Variants in MYO1E observed in about 807,000 individuals in gnomAD.
The protein encoded by MYO1E is unconventional myosin-Ie.
MYO1E carries 68 observed loss-of-function variants against 151.1 expected under a neutral mutation model. That is an observed-to-expected ratio of 0.45 (90% CI 0.37 to 0.55). The LOEUF is 0.55. Ranked by LOEUF, MYO1E falls within the 20% of genes least tolerant of loss-of-function variation. The pLI is 0.00. For synonymous variants in MYO1E, 601 were observed against 501.7 expected, an observed-to-expected ratio of 1.20 and a Z score of -2.64; for missense variants, 1,363 against 1,389.3, an observed-to-expected ratio of 0.98 and a Z score of 0.30.
At chr15:59,371,686 C>T (rs2080945725) in intron 1 of MYO1E, among the ~76,000 whole-genome samples, 1 of 152,182 alleles carries the variant, frequency 6.6e-6, no homozygotes, top group African/African-American at 2.4e-5. Flanking sequence ...AGGGCGTCTT[C>T]CCGTGCGAAG....
intron 26 of MYO1E, among the ~76,000 whole-genome samples, chr15:59,147,464 T>C (rs949524966): frequency 6.6e-6 from 1 of 151,892 alleles, no homozygotes; most frequent in East Asian, 1.9e-4. Context: ...TGGTGGCTCA[T>C]GCGTGTAATC....
intron 1 of MYO1E, among the ~76,000 whole-genome samples, chr15:59,305,171 G>C (rs1430468802): frequency 6.6e-6 from 1 of 152,166 alleles, no homozygotes; most frequent in African/African-American, 2.4e-5. Flanking sequence ...GAATGTCAAA[G>C]AAGATCATTC....
In MYO1E at chr15:59,366,300, CT is replaced by C. The variant is rs1371095578; in HGVS notation, c.3+6197del. On this transcript the variant is annotated intron_variant, in intron 1 of 27. Transcript: ENST00000288235. Reference sequence around the variant, plus strand: ...AGCCCTGTCTCTTTCTTTTTTTTCTCTCTCTCTCTTTCTCTCTCTCTCTCTC... The same window carrying C: ...AGCCCTGTCTCTTTCTTTTTTTTCTCCTCTCTCTTTCTCTCTCTCTCTCTC... 6.2e-4 allele frequency among the ~76,000 whole-genome samples: 9 copies of C among 14,618 alleles called. No individual in the cohort carries two copies. The East Asian group carries it at 0.012, about 19-fold the overall frequency. The allele number at this position is 14,618 out of a possible 152,430, so 9.6% of individuals were successfully genotyped here.
intron 1 of MYO1E, among the ~76,000 whole-genome samples, chr15:59,346,153 CAT>C (rs1350061683): frequency 6.6e-6 from 1 of 152,148 alleles, no homozygotes; most frequent in African/African-American, 2.4e-5. Flanking sequence ...AGAATTAACA[CAT>C]CTTTCCCCTT....
chr15:59,241,738 A>G (rs2080100869), intron 4 of MYO1E, among the ~76,000 whole-genome samples: 1 of 151,866 alleles, frequency 6.6e-6, no homozygotes, highest in South Asian at 2.1e-4. Flanking sequence ...AAATAAAAAT[A>G]AAAATTTTTA....
chr15:59,292,170 T>C (rs2080423556), intron 1 of MYO1E, among the ~76,000 whole-genome samples: 1 of 152,234 alleles, frequency 6.6e-6, no homozygotes, highest in South Asian at 2.1e-4. Flanking sequence ...GATTTTATTT[T>C]ACTGGTCATT....
intron 17 of MYO1E, among the ~76,000 whole-genome samples, chr15:59,188,708 A>AATAT (rs2079714608): frequency 6.6e-6 from 1 of 151,594 alleles, no homozygotes; most frequent in African/African-American, 2.4e-5. Flanking sequence ...AAATAAAATA[A>AATAT]ATATAAATAA....
intron 7 of MYO1E, among the ~76,000 whole-genome samples, chr15:59,226,966 C>G (rs2079995443): frequency 6.6e-6 from 1 of 152,226 alleles, no homozygotes; most frequent in South Asian, 2.1e-4. Flanking sequence ...AGATCCCAAA[C>G]CTATCTCAAA....
At chr15:59,262,723 A>C (rs1432036175) in intron 2 of MYO1E, among the ~76,000 whole-genome samples, 1 of 152,216 alleles carries the variant, frequency 6.6e-6, no homozygotes, top group Admixed American at 6.5e-5. Context: ...CATCAGGTTT[A>C]GGGAAAGAAG....
intron 1 of MYO1E, among the ~76,000 whole-genome samples, chr15:59,298,474 T>C (rs556887304): frequency 6.6e-6 from 1 of 152,214 alleles, no homozygotes; most frequent in East Asian, 1.9e-4. Flanking sequence ...TGAGTCAAGG[T>C]GATTCTTAAT....
chr15:59,166,864 G>C (rs542436660), intron 22 of MYO1E, among the ~76,000 whole-genome samples: 1 of 152,266 alleles, frequency 6.6e-6, no homozygotes, highest in South Asian at 2.1e-4. Context: ...CCTCTCTTGT[G>C]TCCCAGGAAT....
At chr15:59,151,389 C>T (rs1235567028) in intron 26 of MYO1E, among the ~76,000 whole-genome samples, 2 of 152,064 alleles carry the variant, frequency 1.3e-5, no homozygotes, top group African/African-American at 4.8e-5. Flanking sequence ...GAGATTGCAC[C>T]ACTGCACTCC....
At chr15:59,158,442 TCTTTGCATATGGA>T in intron 24 of MYO1E, 63 bp from the exon 25 acceptor site, 3 of 1,312,484 alleles carry the variant, frequency 2.3e-6, no homozygotes, top group Non-Finnish European at 2.1e-6. Context: ...TCCTCATGGT[TCTTTGCATATGGA>T]AAATTTTTGA....
At chr15:59,206,579 T>C (rs368246324) in intron 14 of MYO1E, 2 of 223,232 alleles carry the variant, frequency 9.0e-6, no homozygotes, top group Non-Finnish European at 8.8e-6. Context: ...AACCTTATTT[T>C]CATCTGTAGT....
chr15:59,272,107 C>A (rs112612206), intron 2 of MYO1E, 199 bp downstream of exon 2: 10 of 582,736 alleles, frequency 1.7e-5, no homozygotes, highest in Non-Finnish European at 3.0e-6. Flanking sequence ...AATAAAGCCA[C>A]AAGTTCAGTT....
Position 59,136,844 on chromosome 15 carries a change from C to G in MYO1E, c.*536G>C. On this transcript the variant is annotated 3_prime_UTR_variant, in exon 28 of 28. Coordinates refer to ENST00000288235, the MANE Select transcript of MYO1E (RefSeq NM_004998.4). The stretch of plus-strand genomic sequence containing the variant: ...TGCCCCTCTGTCGCCCTGGGCTCAG[C>G]AGGCCAGCTTACCCTTGGCACGTAC... 8 of 448,112 alleles carry G rather than the reference C, an allele frequency of 1.8e-5. No individual in the cohort carries two copies. The highest frequency in any genetic ancestry group is 1.3e-4 in the South Asian group (8 of 63,850). The allele number at this position is 448,112 out of a possible 1,614,324, so 27.8% of individuals were successfully genotyped here.
chr15:59,232,588 A>G (rs1019326618), intron 5 of MYO1E, among the ~76,000 whole-genome samples: 1 of 152,266 alleles, frequency 6.6e-6, no homozygotes, highest in East Asian at 1.9e-4. Context: ...AAGTCTTTCA[A>G]CAAGTGAGTC....
chr15:59,194,715 C>T (rs2079755360), intron 17 of MYO1E, among the ~76,000 whole-genome samples: 1 of 152,172 alleles, frequency 6.6e-6, no homozygotes, highest in African/African-American at 2.4e-5. Flanking sequence ...GGGATCAGGC[C>T]TCTGAACAAT....
At chr15:59,297,096 C>A (rs2080454753) in intron 1 of MYO1E, among the ~76,000 whole-genome samples, 1 of 148,048 alleles carries the variant, frequency 6.8e-6, no homozygotes, top group Non-Finnish European at 1.5e-5. Flanking sequence ...TCATGATCCA[C>A]TCGCCTCGGC....
Sources: gnomAD v4.1 joint callset for allele counts (sites outside exome capture counted in the v4.1 genomes callset) on GRCh38, gnomAD v4.1.1 for gene constraint, MANE v1.5 for transcripts, NCBI Gene and HGNC (gene_info 2026-07-23, HGNC 2026-07-21) for gene names.